Variants in CNTN5 observed in about 807,000 individuals in gnomAD.
CNTN5 encodes the protein contactin-5.
In CNTN5, 77 loss-of-function variants were observed where a neutral mutation model predicts 129.1. The ratio of observed to expected loss-of-function variants is 0.60; its 90% CI spans 0.50 to 0.72. The LOEUF is 0.72. Ranked by LOEUF, CNTN5 falls within the 30% of genes least tolerant of loss-of-function variation. CNTN5 has a pLI of 0.00. For missense variants in CNTN5, 1,478 were observed against 1,328.8 expected, an observed-to-expected ratio of 1.11 and a Z score of -1.75; for synonymous variants, 509 against 465.6, an observed-to-expected ratio of 1.09 and a Z score of -1.20.
chr11:99,778,462 A>G (rs995013303), intron 3 of CNTN5, among the ~76,000 whole-genome samples: 2 of 151,874 alleles, frequency 1.3e-5, no homozygotes, highest in Non-Finnish European at 2.9e-5. Context: ...AAATTAATGT[A>G]TATTAGAATA....
intron 1 of CNTN5, among the ~76,000 whole-genome samples, chr11:99,311,063 G>A (rs1399750022): frequency 6.6e-6 from 1 of 151,996 alleles, no homozygotes; most frequent in Non-Finnish European, 1.5e-5. Context: ...TGAGCAGCTG[G>A]GACTACAGGT....
chr11:99,869,922 C>CT (rs969722402), intron 6 of CNTN5, among the ~76,000 whole-genome samples: 60 of 152,202 alleles, frequency 3.9e-4, no homozygotes, highest in African/African-American at 1.4e-3. Context: ...AGCCTCCTGG[C>CT]TGATGCAATA....
At chr11:99,468,749 T>C (rs1034821429) in intron 2 of CNTN5, among the ~76,000 whole-genome samples, 1 of 148,764 alleles carries the variant, frequency 6.7e-6, no homozygotes, top group Non-Finnish European at 1.5e-5. Flanking sequence ...TTTTTTTTTT[T>C]CTGAGAAGGA....
At chr11:100,251,543 A>G (rs1490936528) in intron 16 of CNTN5, among the ~76,000 whole-genome samples, 3 of 152,042 alleles carry the variant, frequency 2.0e-5, no homozygotes, top group Non-Finnish European at 4.4e-5. Context: ...GTACTTTTGT[A>G]TCCTTTAACA....
At chr11:99,169,899 TC>T (rs1295755967) in intron 1 of CNTN5, among the ~76,000 whole-genome samples, 1 of 152,066 alleles carries the variant, frequency 6.6e-6, no homozygotes, top group Non-Finnish European at 1.5e-5. Context: ...TGAGTAAACA[TC>T]CTGTAAATAT....
chr11:99,274,418 G>A (rs545567319), intron 1 of CNTN5, among the ~76,000 whole-genome samples: 1 of 151,604 alleles, frequency 6.6e-6, no homozygotes, highest in African/African-American at 2.4e-5. Flanking sequence ...AATCTGGCTT[G>A]CTTTAAAATT....
chr11:99,260,970 A>G (rs1204317571), intron 1 of CNTN5, among the ~76,000 whole-genome samples: 1 of 151,956 alleles, frequency 6.6e-6, no homozygotes, highest in Non-Finnish European at 1.5e-5. Flanking sequence ...AGCTACTTGG[A>G]GCTACTTGTG....
chr11:99,765,987 C>G (rs1378170147), intron 3 of CNTN5, among the ~76,000 whole-genome samples: 1 of 151,892 alleles, frequency 6.6e-6, no homozygotes, highest in Non-Finnish European at 1.5e-5. Flanking sequence ...TTTTATTACT[C>G]TAAATAATTT....
intron 6 of CNTN5, among the ~76,000 whole-genome samples, chr11:99,914,189 A>G (rs542897365): frequency 6.6e-6 from 1 of 152,192 alleles, no homozygotes; most frequent in South Asian, 2.1e-4. Flanking sequence ...GTGAGTTATG[A>G]TCACATCCTG....
intron 17 of CNTN5, among the ~76,000 whole-genome samples, chr11:100,261,381 T>C (rs1950192928): frequency 6.6e-6 from 1 of 152,200 alleles, no homozygotes; most frequent in African/African-American, 2.4e-5. Context: ...CCCAAAGTAA[T>C]TAATAGATTC....
intron 3 of CNTN5, among the ~76,000 whole-genome samples, chr11:99,655,072 A>G (rs904748286): frequency 1.4e-4 from 22 of 152,028 alleles, no homozygotes; most frequent in African/African-American, 4.8e-4. Flanking sequence ...AAGAAGCTGT[A>G]TTCTCATGCA....
At chr11:99,948,096 T>A (rs1343456638) in intron 7 of CNTN5, among the ~76,000 whole-genome samples, 1 of 152,212 alleles carries the variant, frequency 6.6e-6, no homozygotes, top group Admixed American at 6.5e-5. Context: ...TGTCCAAGAT[T>A]AAACCTTTCT....
At chr11:99,931,443 A>C (rs1950190346) in intron 7 of CNTN5, among the ~76,000 whole-genome samples, 1 of 152,196 alleles carries the variant, frequency 6.6e-6, no homozygotes, top group African/African-American at 2.4e-5. Flanking sequence ...TTTTTTACTT[A>C]GATTGGTTAG....
intron 3 of CNTN5, among the ~76,000 whole-genome samples, chr11:99,759,483 T>A (rs1475009570): frequency 1.3e-5 from 2 of 151,980 alleles, no homozygotes; most frequent in African/African-American, 4.8e-5. Flanking sequence ...ACAGCACAGT[T>A]TCAAAGAGGG....
intron 13 of CNTN5, among the ~76,000 whole-genome samples, chr11:100,136,061 G>T (rs1300398935): frequency 6.6e-6 from 1 of 152,118 alleles, no homozygotes; most frequent in African/African-American, 2.4e-5. Context: ...AAATCATACA[G>T]TATTGTCTTA....
chr11:99,737,793 C>G (rs529930920), intron 3 of CNTN5, among the ~76,000 whole-genome samples: 331 of 152,194 alleles, frequency 2.2e-3, no homozygotes, highest in African/African-American at 7.8e-3. Flanking sequence ...TGTTACTCGA[C>G]TAAGCCTTCA....
chr11:99,252,250 T>C (rs1312482036), intron 1 of CNTN5, among the ~76,000 whole-genome samples: 1 of 151,966 alleles, frequency 6.6e-6, no homozygotes, highest in Non-Finnish European at 1.5e-5. Flanking sequence ...TTCCCAGACC[T>C]TAACTATAGC....
intron 3 of CNTN5, among the ~76,000 whole-genome samples, chr11:99,759,108 G>A (rs1429448269): frequency 1.3e-5 from 2 of 151,932 alleles, no homozygotes; most frequent in African/African-American, 2.4e-5. Flanking sequence ...TATAAGGTGG[G>A]TGTTCTCCCC....
intron 1 of CNTN5, among the ~76,000 whole-genome samples, chr11:99,049,335 A>C (rs1018409453): frequency 6.6e-6 from 1 of 152,190 alleles, no homozygotes; most frequent in African/African-American, 2.4e-5. Flanking sequence ...TAAATATACA[A>C]ATTTCAGATT....
Sources: gnomAD v4.1 joint callset for allele counts (sites outside exome capture counted in the v4.1 genomes callset) on GRCh38, gnomAD v4.1.1 for gene constraint, MANE v1.5 for transcripts, NCBI Gene and HGNC (gene_info 2026-07-23, HGNC 2026-07-21) for gene names.